Variants in LTBP1 observed in about 807,000 individuals in gnomAD.
The protein encoded by LTBP1 is latent-transforming growth factor beta-binding protein 1.
A neutral mutation model predicts 207.6 loss-of-function variants in LTBP1; 129 were observed. That is an observed-to-expected ratio of 0.62 (90% CI 0.54 to 0.72). The LOEUF (loss-of-function observed/expected upper bound fraction) is 0.72. LTBP1 is among the 30% of genes least tolerant of loss of function. The pLI, the probability that LTBP1 is intolerant of heterozygous loss-of-function variation, is 0.00. For missense variants in LTBP1, 2,281 were observed against 2,217.2 expected, an observed-to-expected ratio of 1.03 and a Z score of -0.58; for synonymous variants, 963 against 833.7, an observed-to-expected ratio of 1.16 and a Z score of -2.67.
At chr2:33,066,230 A>G (rs1026619363) in intron 3 of LTBP1, among the ~76,000 whole-genome samples, 2 of 152,154 alleles carry the variant, frequency 1.3e-5, no homozygotes, top group Non-Finnish European at 2.9e-5. Flanking sequence ...CCCTAACATC[A>G]TACAATTGTA....
intron 5 of LTBP1, among the ~76,000 whole-genome samples, chr2:33,184,948 A>G (rs936450251): frequency 1.3e-5 from 2 of 152,162 alleles, no homozygotes; most frequent in African/African-American, 4.8e-5. Flanking sequence ...TGGATAGTGA[A>G]TCAGATTTGT....
chr2:32,973,628 A>G (rs1265020221), intron 2 of LTBP1, among the ~76,000 whole-genome samples: 3 of 152,210 alleles, frequency 2.0e-5, no homozygotes, highest in African/African-American at 4.8e-5. Context: ...TTAAAAATGT[A>G]CAATCAGGTT....
chr2:33,317,747 G>T (rs1013023970), intron 24 of LTBP1: 1 of 152,168 alleles, frequency 6.6e-6, no homozygotes, highest in Admixed American at 6.5e-5. Context: ...TGACCTGCCC[G>T]GCTCTAAGCA....
intron 5 of LTBP1, among the ~76,000 whole-genome samples, chr2:33,158,149 A>C (rs867047875): frequency 0.084 from 3,636 of 43,248 alleles, 61 homozygotes; most frequent in African/African-American, 0.25. Flanking sequence ...AAAAAAAAAC[A>C]AAAAAAAAAA....
In LTBP1 at chr2:33,360,751, A is replaced by C. The variant is rs759703182; in HGVS notation, c.4155A>C (p.Glu1385Asp). 1.9e-6 allele frequency: 3 copies of C among 1,614,002 alleles called. No homozygotes were observed. The East Asian group carries it at 6.7e-5, about 36-fold the overall frequency. The change falls in exon 27 of 34, where the codon GAA (glutamate) becomes GAC (aspartate). Residue 1385 changes from glutamate to aspartate, a missense_variant. By Grantham distance (45) the Glu-to-Asp change is conservative. Transcript: ENST00000404816. ...TSGVGWGDNC[E>D]IFPCPVLGTA... Reference sequence around the variant, plus strand: ...GCGTGGGATGGGGAGATAACTGCGAAATCTTCCCCTGCCCGGTCTTGGGAA... The same window carrying C: ...GCGTGGGATGGGGAGATAACTGCGACATCTTCCCCTGCCCGGTCTTGGGAA...
At chr2:33,320,511 C>T (rs1476489227) in intron 24 of LTBP1, among the ~76,000 whole-genome samples, 4 of 151,854 alleles carry the variant, frequency 2.6e-5, no homozygotes, top group Non-Finnish European at 5.9e-5. Context: ...TTTTCTGCTT[C>T]TGTAAGTGAA....
chr2:33,053,609 A>T (rs1036131354), intron 3 of LTBP1, among the ~76,000 whole-genome samples: 2 of 151,660 alleles, frequency 1.3e-5, no homozygotes, highest in African/African-American at 2.4e-5. Flanking sequence ...GTATCCGGGG[A>T]TCCATAGTCG....
At chr2:33,105,523 A>G (rs2080017431) in intron 3 of LTBP1, among the ~76,000 whole-genome samples, 1 of 150,428 alleles carries the variant, frequency 6.6e-6, no homozygotes, top group Non-Finnish European at 1.5e-5. Context: ...TGCAACCTCC[A>G]CCTCCTGGGT....
intron 31 of LTBP1, among the ~76,000 whole-genome samples, chr2:33,376,416 A>G (rs962876526): frequency 6.6e-6 from 1 of 152,206 alleles, no homozygotes; most frequent in African/African-American, 2.4e-5. Context: ...TCTGTAGCAG[A>G]ATTACTGTGT....
chr2:33,389,077 C>T (rs912186700), intron 31 of LTBP1, 107 bp from the exon 32 acceptor site: 15 of 1,483,614 alleles, frequency 1.0e-5, no homozygotes, highest in Non-Finnish European at 1.3e-5. Context: ...GATGGAGACA[C>T]ACGTGGAAGG....
At chr2:33,385,111 A>G (rs534244138) in intron 31 of LTBP1, among the ~76,000 whole-genome samples, 1 of 152,316 alleles carries the variant, frequency 6.6e-6, no homozygotes, top group African/African-American at 2.4e-5. Flanking sequence ...CTAATGTTAA[A>G]ATGTACTATT....
At chr2:33,139,958 T>G (rs1436969905) in intron 5 of LTBP1, among the ~76,000 whole-genome samples, 1 of 152,198 alleles carries the variant, frequency 6.6e-6, no homozygotes, top group Non-Finnish European at 1.5e-5. Context: ...TTTACTAAAG[T>G]TCTCTGAAAG....
At chr2:33,215,179 C>T (rs946337222) in intron 7 of LTBP1, among the ~76,000 whole-genome samples, 1 of 152,072 alleles carries the variant, frequency 6.6e-6, no homozygotes, top group Admixed American at 6.6e-5. Context: ...TGATAGCTGA[C>T]ACATGTAAGT....
chr2:33,389,133 C>T (rs2095293040), intron 31 of LTBP1, 51 bp from the exon 32 acceptor site: 1 of 1,609,212 alleles, frequency 6.2e-7, no homozygotes, highest in African/African-American at 1.4e-5. Flanking sequence ...GGGGGTGGGG[C>T]AGGTGCGAGC....
rs2081979540 is a variant in LTBP1, at chr2:33,134,082, G to T, written c.1034-711G>T. Among the ~76,000 whole-genome samples the T allele has an allele frequency of 6.6e-6, 1 of 152,148 alleles. No individual in the cohort carries two copies. Among genetic ancestry groups the T allele is most frequent in the African/African-American group, 2.4e-5 (1 of 41,426 alleles). Reference sequence around the variant, plus strand: ...AGCCCAAGGGTGTTATTTTTAGGGAGGCAACCATTTATCCCTGTGACCTGG... The same window carrying T: ...AGCCCAAGGGTGTTATTTTTAGGGATGCAACCATTTATCCCTGTGACCTGG... On this transcript the variant is annotated intron_variant, in intron 4 of 33. Transcript: ENST00000404816. The surrounding 1 kb of genome is among the most constrained non-coding windows in gnomAD (Gnocchi z 4.4).
chr2:32,960,597 T>C lies in LTBP1; in HGVS notation c.565+11652T>C, dbSNP rs146270816. ...ACTAAGTAAAATGAATGTTGTATGA[T>C]TTTTTTTCCCTCTAATTTTAGATCC... On this transcript the variant is annotated intron_variant, in intron 2 of 33. Coordinates refer to ENST00000404816, the MANE Select transcript of LTBP1 (RefSeq NM_206943.4). Among the ~76,000 whole-genome samples, 507 of 152,128 alleles carry C rather than the reference T, an allele frequency of 3.3e-3. 2 individuals are homozygous for C. The highest frequency in any genetic ancestry group is 6.8e-3 in the Middle Eastern group (2 of 294).
intron 5 of LTBP1, among the ~76,000 whole-genome samples, chr2:33,175,992 C>G (rs1208512985): frequency 1.0e-5 from 1 of 96,394 alleles, no homozygotes; most frequent in African/African-American, 4.2e-5. Context: ...ACATCACACT[C>G]TGGGGACTGT....
At position 33,218,503 on chromosome 2, in the gene LTBP1, T is replaced by C. The variant is rs548759239; in HGVS notation, c.1804+849T>C. 5.3e-5 allele frequency among the ~76,000 whole-genome samples: 8 copies of C among 152,358 alleles called. No homozygotes were observed. The South Asian group carries it at 1.4e-3, about 28-fold the overall frequency. On this transcript the variant is annotated intron_variant, in intron 8 of 33. Transcript: ENST00000404816. ...CCTCCGCCTCTTGGGTTCAAGTGAT[T>C]CTCCTGCTTCAGCCTCCCGAGTAGC...
intron 2 of LTBP1, among the ~76,000 whole-genome samples, chr2:32,956,091 G>T (rs1572807848): frequency 6.6e-6 from 1 of 152,160 alleles, no homozygotes. Context: ...ACTAAAAAAT[G>T]GAATGATCAA....
Sources: allele counts gnomAD v4.1 joint callset (sites outside exome capture counted in the v4.1 genomes callset), GRCh38; gene constraint gnomAD v4.1.1; non-coding constraint Gnocchi (gnomAD v3.1); transcripts MANE v1.5; gene names NCBI Gene and HGNC (gene_info 2026-07-23, HGNC 2026-07-21).